The following ENTR1 variants were observed in gnomAD, a reference collection of about 807,000 sequenced individuals.
ENTR1 encodes the protein endosome-associated-trafficking regulator 1.
ENTR1 carries 47 observed loss-of-function variants against 47.9 expected under a neutral mutation model. That is an observed-to-expected ratio of 0.98 (90% CI 0.78 to 1.25). ENTR1 has a LOEUF of 1.25. Among genes scored for constraint, ENTR1 ranks in the 50% most tolerant of loss-of-function variants. ENTR1 has a pLI of 0.00. For synonymous variants in ENTR1, 290 were observed against 245.8 expected (o/e 1.18, Z -1.68); for missense variants, 668 against 570.5 (o/e 1.17, Z -1.74).
chr9:136,404,516 T>G, intron 8 of ENTR1, 115 bp downstream of exon 8: 3 of 1,152,936 alleles, frequency 2.6e-6, no homozygotes, highest in Non-Finnish European at 3.8e-6. Context: ...TTGAAGTCCT[T>G]TCTCTGCTTG....
At position 136,402,846 on chromosome 9, in the gene ENTR1, T is replaced by G. The variant is rs1196044707; in HGVS notation, c.1250A>C (p.Glu417Ala). 1 of 1,612,862 alleles carries G rather than the reference T, an allele frequency of 6.2e-7. No individual in the cohort carries two copies. Among genetic ancestry groups the G allele is most frequent in the Non-Finnish European group, 8.5e-7 (1 of 1,179,854 alleles). ...AATTCTGTCTATAGATTTAAGGATTTCGGCAACAAGATTCAGTGTCTCAGC... is the reference window on the plus strand; with the variant it reads ...AATTCTGTCTATAGATTTAAGGATTGCGGCAACAAGATTCAGTGTCTCAGC... ...SGAETLNLVA[E>A]ILKSIDRISE... The change falls in exon 10 of 10, where the codon GAA becomes GCA. Residue 417 changes from glutamate (E) to alanine (A), a missense_variant. Physicochemically the swap from Glu to Ala is moderately radical, Grantham distance 107. Coordinates refer to ENST00000357365, the MANE Select transcript of ENTR1 (RefSeq NM_001039707.2).
At chr9:136,403,100 G>A (rs1834569589) in intron 9 of ENTR1, among the ~76,000 whole-genome samples, 2 of 115,002 alleles carry the variant, frequency 1.7e-5, no homozygotes, top group African/African-American at 3.5e-5. Flanking sequence ...AGAAAGGGGA[G>A]GGGTTGGTAG....
rs1191145194 is a variant in ENTR1, at chr9:136,407,429, C to T, written c.535G>A (p.Asp179Asn). The change falls in exon 5 of 10, where the codon GAT becomes AAT. Residue 179 changes from aspartate to asparagine, a missense_variant. Coordinates refer to ENST00000357365, the MANE Select transcript of ENTR1 (RefSeq NM_001039707.2). ...GCCCCACTCCATCCGGTGTCCTCAT[C>T]CTCCTCCTCATCCAGGAGGTCACCA... Reference protein sequence around the residue: ...GAGDLLDEEEDEDTGWSGAYL... With the variant: ...GAGDLLDEEENEDTGWSGAYL... The T allele has an allele frequency of 6.2e-7, 1 of 1,610,318 alleles. No homozygotes were observed. The highest frequency in any genetic ancestry group is 1.3e-5 in the African/African-American group (1 of 74,836).
In ENTR1 at chr9:136,404,137, T is replaced by A; in HGVS notation, c.1126A>T (p.Ser376Cys). ...GCGTTCTGCTTCACCACGGTCAGGC[T>A]GGCACCCTGGCCGCACCGCAGGGCT... ...NEALRCGQGASLTVVKQNADV... is the reference protein window; with the variant it reads ...NEALRCGQGACLTVVKQNADV... The change falls in exon 9 of 10, where the codon AGC (serine) becomes TGC (cysteine). Residue 376 changes from serine to cysteine, a missense_variant. Transcript: ENST00000357365. The A allele has an allele frequency of 6.2e-7, 1 of 1,613,336 alleles. No homozygotes were observed. The highest frequency in any genetic ancestry group is 8.5e-7 in the Non-Finnish European group (1 of 1,179,856).
At chr9:136,405,067 C>T in intron 7 of ENTR1, 24 bp downstream of exon 7, 1 of 1,589,334 alleles carries the variant, frequency 6.3e-7, no homozygotes, top group South Asian at 1.1e-5. Context: ...CCCAGCTCGT[C>T]CGATTCAGAG....
rs1022544084 is a variant in ENTR1, at chr9:136,409,515, A to C, written c.221-448T>G. 9.2e-4 allele frequency among the ~76,000 whole-genome samples: 140 copies of C among 152,230 alleles called. 1 individual carries two copies. The highest frequency in any genetic ancestry group is 1.6e-4 in the Non-Finnish European group (11 of 68,010). ...AACTTTAAAAAAAACACAAGCTCCC[A>C]GACTTGTGACCCTGGAGATGGCCTG... On this transcript the variant is annotated intron_variant, in intron 2 of 9. Transcript: ENST00000357365.
chr9:136,402,771 A>C lies in ENTR1; in HGVS notation c.*17T>G. The C allele has an allele frequency of 6.3e-7, 1 of 1,579,022 alleles. No individual in the cohort carries two copies. Among genetic ancestry groups the C allele is most frequent in the Non-Finnish European group, 8.7e-7 (1 of 1,149,638 alleles). On this transcript the variant is annotated 3_prime_UTR_variant, in exon 10 of 10. Transcript: ENST00000357365. Reference sequence around the variant, plus strand: ...AGGGTATACACGGAGCTTCATGCTGAGAACACCCAGGGGTCCTCAAGAGTC... The same window carrying C: ...AGGGTATACACGGAGCTTCATGCTGCGAACACCCAGGGGTCCTCAAGAGTC...
In ENTR1 at chr9:136,407,922, A is replaced by T. The variant is rs143944643; in HGVS notation, c.306T>A (p.Asp102Glu). ...GTHFGDDRFE[D>E]LEEANPFSFR... ...AAGAGAATGGATTTGCCTCTTCCAG[A>T]TCTTCAAATCTGTCATCTGAAATAA... Residue 102 changes from aspartate to glutamate, a missense_variant, in exon 4 of 10, where the codon GAT (aspartate) becomes GAA (glutamate). By Grantham distance (45) the Asp-to-Glu change is conservative. Coordinates refer to ENST00000357365, the MANE Select transcript of ENTR1 (RefSeq NM_001039707.2). The T allele has an allele frequency of 7.9e-5, 127 of 1,603,928 alleles. 1 individual carries two copies. In the East Asian group the frequency reaches 2.8e-3, roughly 36 times the overall value.
Position 136,408,709 on chromosome 9 carries a change from C to T in ENTR1, c.289+290G>A, listed in dbSNP as rs903469384. ...ACTTTTCCCTTCTCCCTCTTGCCAC[C>T]GCCTTCCCACCCTCCGGGGACTTAA... On this transcript the variant is annotated intron_variant, in intron 3 of 9. Transcript: ENST00000357365. Among the ~76,000 whole-genome samples, 5 of 152,298 alleles carry T rather than the reference C, an allele frequency of 3.3e-5. No individual in the cohort carries two copies. The East Asian group carries it at 5.8e-4, about 18-fold the overall frequency.
At position 136,402,708 on chromosome 9, in the gene ENTR1, G is replaced by C. The variant is rs753094782; in HGVS notation, c.*80C>G. On this transcript the variant is annotated 3_prime_UTR_variant, in exon 10 of 10. Coordinates refer to ENST00000357365, the MANE Select transcript of ENTR1 (RefSeq NM_001039707.2). ...TCTGGGTGAAGACTGCATATTTAAG[G>C]ACACAACTGCACATTTAGATCGAGC... The C allele has an allele frequency of 6.4e-6, 6 of 943,024 alleles. No individual in the cohort carries two copies. The highest frequency in any genetic ancestry group is 3.2e-4 in the Middle Eastern group (1 of 3,138). The allele number at this position is 943,024 out of a possible 1,614,324, so 58.4% of individuals were successfully genotyped here. A position where few individuals can be genotyped will look rare whatever the true frequency, so the allele number is the denominator to read the frequency against.
rs1001711887 is a variant in ENTR1 at position 136,405,219 on chromosome 9, C to A, written c.894-17G>T. 6.3e-7 allele frequency: 1 copy of A among 1,597,916 alleles called. No individual in the cohort carries two copies. The highest frequency in any genetic ancestry group is 8.6e-7 in the Non-Finnish European group (1 of 1,165,422). On this transcript the variant is annotated splice_polypyrimidine_tract_variant and intron_variant, in intron 6 of 9. Coordinates refer to ENST00000357365, the MANE Select transcript of ENTR1 (RefSeq NM_001039707.2). ...GTCCTCACCCTTGTTAAAGAAAAAC[C>A]CGAGTTGTTAATTTCTGTGGCTACT... is the stretch of plus-strand genomic sequence containing the variant.
intron 8 of ENTR1, 68 bp from the exon 9 acceptor site, chr9:136,404,262 C>T (rs558936938): frequency 2.7e-5 from 41 of 1,539,798 alleles, no homozygotes; most frequent in South Asian, 2.6e-4. Context: ...CACCACCTGG[C>T]GAGGCGAGGG....
At chr9:136,406,033 G>T (rs992785155) in intron 5 of ENTR1, 55 bp from the exon 6 acceptor site, 4 of 1,364,798 alleles carry the variant, frequency 2.9e-6, no homozygotes, top group South Asian at 1.3e-5. Flanking sequence ...TCAAAAGGGC[G>T]TGTGCTTCTG....
chr9:136,409,461 G>GTT (rs1267034696), intron 2 of ENTR1, among the ~76,000 whole-genome samples: 1 of 152,152 alleles, frequency 6.6e-6, no homozygotes, highest in Non-Finnish European at 1.5e-5. Context: ...GATTACAGGC[G>GTT]TAAGCCACTG....
intron 5 of ENTR1, 56 bp from the exon 6 acceptor site, chr9:136,406,034 T>G (rs1332722893): frequency 5.8e-6 from 8 of 1,371,504 alleles, no homozygotes; most frequent in Non-Finnish European, 8.1e-6. Context: ...CAAAAGGGCG[T>G]GTGCTTCTGC....
chr9:136,405,860 G>GTA, intron 6 of ENTR1, 45 bp downstream of exon 6: 1 of 1,188,036 alleles, frequency 8.4e-7, no homozygotes, highest in Non-Finnish European at 1.2e-6. Flanking sequence ...ATTTCCCTGT[G>GTA]TATTAGATGT....
At position 136,410,485 on chromosome 9, in the gene ENTR1, C is replaced by T. The variant is rs1287084362; in HGVS notation, c.-88G>A. ...TCCGCCCGTGCCGCGGCCCGCGTCG[C>T]CCGCCCCCGTCGCCCGCCCCCGTCG... is the stretch of plus-strand genomic sequence containing the variant. On this transcript the variant is annotated 5_prime_UTR_variant, in exon 1 of 10. Coordinates refer to ENST00000357365, the MANE Select transcript of ENTR1 (RefSeq NM_001039707.2). The T allele has an allele frequency of 2.1e-6, 2 of 970,110 alleles. No individual in the cohort carries two copies. The highest frequency in any genetic ancestry group is 1.8e-5 in the African/African-American group (1 of 56,580). 60.1% of individuals were successfully genotyped at this position (970,110 alleles called of 1,614,324 possible).
Position 136,407,278 on chromosome 9 carries a change from G to A in ENTR1, c.686C>T (p.Ser229Leu), listed in dbSNP as rs1353497880. Residue 229 changes from serine to leucine, a missense_variant, in exon 5 of 10, where the codon TCG becomes TTG. By Grantham distance (145) the Ser-to-Leu change is moderately radical (BLOSUM62 -2). Coordinates refer to ENST00000357365, the MANE Select transcript of ENTR1 (RefSeq NM_001039707.2). ...SELAGPESLP[S>L]WALSDTDSRV... ...AGAATCAGTGTCACTCAACGCCCAC[G>A]AGGGCAGAGACTCAGGCCCTGCCAG... The A allele has an allele frequency of 8.1e-6, 13 of 1,612,674 alleles. No homozygotes were observed. The highest frequency in any genetic ancestry group is 2.2e-5 in the East Asian group (1 of 44,880).
intron 2 of ENTR1, 64 bp downstream of exon 2, chr9:136,410,026 C>G: frequency 6.3e-7 from 1 of 1,580,576 alleles, no homozygotes; most frequent in Non-Finnish European, 8.7e-7. Context: ...CGTGCTGCAG[C>G]GGAGGTGCCA....
Sources: gnomAD v4.1 joint callset for allele counts (sites outside exome capture counted in the v4.1 genomes callset) on GRCh38, gnomAD v4.1.1 for gene constraint, MANE v1.5 for transcripts, NCBI Gene and HGNC (gene_info 2026-07-23, HGNC 2026-07-21) for gene names.